TAFA1: variants seen among roughly 807,000 people sequenced by gnomAD.
The protein encoded by TAFA1 is TAFA chemokine like family member 1.
TAFA1 carries 4 observed loss-of-function variants against 18.5 expected under a neutral mutation model. That is an observed-to-expected ratio of 0.22 (90% CI 0.11 to 0.49). TAFA1 has a LOEUF of 0.49. TAFA1 is among the 20% of genes least tolerant of loss of function. The probability of loss-of-function intolerance (pLI) is 0.98; values close to 1 mark genes in which losing one functional copy is unlikely to be tolerated. For missense variants in TAFA1, 147 were observed against 169.0 expected (o/e 0.87, Z 0.72); for synonymous variants, 56 against 55.2 (o/e 1.01, Z -0.06).
intron 3 of TAFA1, among the ~76,000 whole-genome samples, chr3:68,461,471 A>G (rs1160698052): frequency 6.7e-6 from 1 of 150,086 alleles, no homozygotes; most frequent in African/African-American, 2.5e-5. Flanking sequence ...CCAGCATCCA[A>G]TCTGTTCTCA....
chr3:68,491,443 A>G (rs144830146), intron 3 of TAFA1, among the ~76,000 whole-genome samples: 3,467 of 151,276 alleles, frequency 0.023, 83 homozygotes, highest in Non-Finnish European at 0.03. Flanking sequence ...GCCAAGAACA[A>G]AAAACCAAAC....
intron 2 of TAFA1, among the ~76,000 whole-genome samples, chr3:68,049,748 A>T (rs1036474914): frequency 6.6e-6 from 1 of 152,086 alleles, no homozygotes; most frequent in Non-Finnish European, 1.5e-5. Flanking sequence ...ATTGACTGCC[A>T]TCATAACAGA....
At chr3:68,504,401 C>T (rs1044271644) in intron 3 of TAFA1, among the ~76,000 whole-genome samples, 1 of 152,184 alleles carries the variant, frequency 6.6e-6, no homozygotes, top group African/African-American at 2.4e-5. Flanking sequence ...CATGAGGGGT[C>T]TCCCTAGACT....
chr3:68,185,059 G>C (rs544915237), intron 2 of TAFA1, among the ~76,000 whole-genome samples: 131 of 152,202 alleles, frequency 8.6e-4, no homozygotes, highest in African/African-American at 3.1e-3. Flanking sequence ...TTGTCTAAAA[G>C]CCTCTGTTCT....
intron 2 of TAFA1, among the ~76,000 whole-genome samples, chr3:68,280,622 T>C (rs2067881138): frequency 6.6e-6 from 1 of 152,136 alleles, no homozygotes; most frequent in Non-Finnish European, 1.5e-5. Flanking sequence ...TTTTGTTTTT[T>C]TTTTCCCCCT....
intron 2 of TAFA1, among the ~76,000 whole-genome samples, chr3:68,208,002 C>G (rs926087717): frequency 1.3e-5 from 2 of 151,906 alleles, no homozygotes; most frequent in South Asian, 4.1e-4. Context: ...GACTTAGAAA[C>G]AGGAAGACCC....
chr3:68,382,936 G>A (rs754963538), intron 2 of TAFA1, among the ~76,000 whole-genome samples: 1 of 152,030 alleles, frequency 6.6e-6, no homozygotes, highest in Non-Finnish European at 1.5e-5. Context: ...CTGGTTAGCT[G>A]TATTCCCAGT....
chr3:68,413,508 T>C (rs2070755844), intron 2 of TAFA1, among the ~76,000 whole-genome samples: 1 of 152,218 alleles, frequency 6.6e-6, no homozygotes, highest in Non-Finnish European at 1.5e-5. Context: ...TAAGTCTGTA[T>C]CATCTCTAGA....
the TAFA1 span, among the ~76,000 whole-genome samples, chr3:67,998,685 G>A: frequency 6.6e-6 from 1 of 152,228 alleles, no homozygotes; most frequent in African/African-American, 2.4e-5. Flanking sequence ...GCCATTGGCA[G>A]CCATGTTTCA....
intron 2 of TAFA1, among the ~76,000 whole-genome samples, chr3:68,198,930 G>T (rs951337067): frequency 4.6e-5 from 7 of 151,360 alleles, no homozygotes; most frequent in Non-Finnish European, 1.0e-4. Context: ...TGTCATATCT[G>T]AAAAGTAATC....
chr3:68,043,649 C>A (rs1306125319), intron 2 of TAFA1, among the ~76,000 whole-genome samples: 2 of 152,094 alleles, frequency 1.3e-5, no homozygotes, highest in Non-Finnish European at 2.9e-5. Flanking sequence ...CTAAAAGAGG[C>A]TAAGGCTGCT....
chr3:68,310,593 T>A (rs1258893012), intron 2 of TAFA1, among the ~76,000 whole-genome samples: 1 of 152,296 alleles, frequency 6.6e-6, no homozygotes, highest in South Asian at 2.1e-4. Context: ...ATATAAACAC[T>A]ATCATAAACT....
chr3:68,144,500 C>T (rs922787246), intron 2 of TAFA1, among the ~76,000 whole-genome samples: 1 of 152,088 alleles, frequency 6.6e-6, no homozygotes, highest in East Asian at 1.9e-4. Flanking sequence ...GCTGTGGGGA[C>T]AAAACAAGAT....
chr3:68,444,771 AATATATATATATATATATATATAT>A (rs55684696), intron 3 of TAFA1, among the ~76,000 whole-genome samples: 2 of 127,268 alleles, frequency 1.6e-5, no homozygotes, highest in Admixed American at 8.3e-5. Flanking sequence ...GTTTCTACAA[AATATATATATATATATATATATAT>A]ATATATATAT....
At chr3:68,304,617 A>T (rs1373370991) in intron 2 of TAFA1, among the ~76,000 whole-genome samples, 3 of 152,184 alleles carry the variant, frequency 2.0e-5, no homozygotes, top group Admixed American at 2.0e-4. Flanking sequence ...ATTCTTTACC[A>T]TTGTTTCAGA....
At chr3:68,323,037 T>C (rs2068719063) in intron 2 of TAFA1, among the ~76,000 whole-genome samples, 1 of 152,210 alleles carries the variant, frequency 6.6e-6, no homozygotes, top group African/African-American at 2.4e-5. Context: ...TTGTGGTCAA[T>C]AATCATAATC....
At chr3:68,501,859 G>T (rs1434845352) in intron 3 of TAFA1, among the ~76,000 whole-genome samples, 7 of 152,192 alleles carry the variant, frequency 4.6e-5, no homozygotes, top group African/African-American at 1.7e-4. Flanking sequence ...GCCAACAGAA[G>T]TGTAGTTTGG....
intron 2 of TAFA1, among the ~76,000 whole-genome samples, chr3:68,151,719 C>T (rs1054830841): frequency 1.3e-5 from 2 of 152,160 alleles, no homozygotes; most frequent in Non-Finnish European, 2.9e-5. Context: ...AAGGACAGAT[C>T]CCTTATGATG....
chr3:68,437,311 G>C (rs1227994067), intron 3 of TAFA1, among the ~76,000 whole-genome samples: 2 of 152,108 alleles, frequency 1.3e-5, no homozygotes, highest in Non-Finnish European at 2.9e-5. Context: ...AATATGTCCA[G>C]GTCTACATAA....
Sources: allele counts gnomAD v4.1 joint callset (sites outside exome capture counted in the v4.1 genomes callset), GRCh38; gene constraint gnomAD v4.1.1; transcripts MANE v1.5; gene names NCBI Gene and HGNC (gene_info 2026-07-23, HGNC 2026-07-21).